KIAA1549L: variants seen among roughly 807,000 people sequenced by gnomAD.
KIAA1549L encodes KIAA1549 like.
KIAA1549L carries 88 observed loss-of-function variants against 160.7 expected under a neutral mutation model. The ratio of observed to expected loss-of-function variants is 0.55; its 90% CI spans 0.46 to 0.65. The LOEUF is 0.65. Among genes scored for constraint, KIAA1549L ranks in the 30% least tolerant of loss-of-function variants. KIAA1549L has a pLI of 0.00. For missense variants in KIAA1549L, 2,258 were observed against 2,437.5 expected (o/e 0.93, Z 1.55); for synonymous variants, 950 against 976.7 (o/e 0.97, Z 0.51).
intron 1 of KIAA1549L, among the ~76,000 whole-genome samples, chr11:33,387,641 C>A (rs1487011314): frequency 6.6e-6 from 1 of 152,128 alleles, no homozygotes; most frequent in Non-Finnish European, 1.5e-5. Context: ...GCAGACACTA[C>A]TTTGGTTTAA....
rs1554976830 is a variant in KIAA1549L at position 33,435,818 on chromosome 11, G to GTGTGTGTGTA, written c.238+58930_238+58931insGTGTGTGTAT. On this transcript the variant is annotated intron_variant, in intron 1 of 20. Transcript: ENST00000658780. ...TATATATATATATATATATGTGTGTGTATATATATATATGTATATGTATAT... is the reference window on the plus strand; with the variant it reads ...TATATATATATATATATATGTGTGTGTGTGTGTGTATATATATATATATGTATATGTATAT... Among the ~76,000 whole-genome samples, 37 of 45,314 alleles carry GTGTGTGTGTA rather than the reference G, an allele frequency of 8.2e-4. 1 individual carries two copies. The highest frequency in any genetic ancestry group is 6.5e-3 in the South Asian group (7 of 1,084). 29.7% of individuals were successfully genotyped at this position (45,314 alleles called of 152,430 possible).
In KIAA1549L at chr11:33,621,536, T is replaced by C. The variant is rs567441987; in HGVS notation, c.5409+2874T>C. On this transcript the variant is annotated intron_variant, in intron 16 of 20. Coordinates refer to ENST00000658780, the MANE Select transcript of KIAA1549L (RefSeq NM_012194.3). The stretch of plus-strand genomic sequence containing the variant: ...ATTGAACTTAATTCATCCCTATGTA[T>C]AAAGCAGGTAGAAAAGAAAATGTCA... 4.6e-5 allele frequency among the ~76,000 whole-genome samples: 7 copies of C among 152,274 alleles called. No homozygotes were observed. The East Asian group carries it at 1.2e-3, about 25-fold the overall frequency.
At chr11:33,377,560 G>A (rs1265649536) in intron 1 of KIAA1549L, among the ~76,000 whole-genome samples, 1 of 152,146 alleles carries the variant, frequency 6.6e-6, no homozygotes, top group South Asian at 2.1e-4. Flanking sequence ...GGTGGGGGTG[G>A]ATTTTTCTGC....
At chr11:33,656,485 G>A (rs1852069183) in intron 18 of KIAA1549L, among the ~76,000 whole-genome samples, 1 of 152,196 alleles carries the variant, frequency 6.6e-6, no homozygotes, top group Non-Finnish European at 1.5e-5. Context: ...CCAGGGAGGG[G>A]CAGGCATGTC....
intron 1 of KIAA1549L, among the ~76,000 whole-genome samples, chr11:33,388,982 G>A (rs975871312): frequency 2.0e-5 from 3 of 152,200 alleles, no homozygotes; most frequent in African/African-American, 7.2e-5. Flanking sequence ...TCACTCAGAC[G>A]TGGCTTTGCC....
intron 1 of KIAA1549L, among the ~76,000 whole-genome samples, chr11:33,537,413 T>C (rs1482241603): frequency 1.3e-5 from 2 of 152,022 alleles, no homozygotes; most frequent in African/African-American, 2.4e-5. Flanking sequence ...GTGTCTGGCA[T>C]ACAACAGGCA....
chr11:33,435,784 A>ATGTGTG (rs1180781136), intron 1 of KIAA1549L, among the ~76,000 whole-genome samples: 1 of 20,654 alleles, frequency 4.8e-5, no homozygotes, highest in Non-Finnish European at 7.7e-5. Context: ...ATATATATAT[A>ATGTGTG]TATATATATA....
At chr11:33,467,897 A>G (rs1233125840) in intron 1 of KIAA1549L, among the ~76,000 whole-genome samples, 3 of 152,222 alleles carry the variant, frequency 2.0e-5, no homozygotes, top group Non-Finnish European at 4.4e-5. Flanking sequence ...AGAGAAAAAG[A>G]ACACCCAAAA....
At chr11:33,388,082 A>G (rs1850207285) in intron 1 of KIAA1549L, among the ~76,000 whole-genome samples, 2 of 152,194 alleles carry the variant, frequency 1.3e-5, no homozygotes, top group African/African-American at 2.4e-5. Context: ...TAAAATGCAA[A>G]AGGCCCTCTT....
intron 20 of KIAA1549L, chr11:33,665,546 C>T (rs1330614213): frequency 6.6e-6 from 1 of 152,244 alleles, no homozygotes; most frequent in East Asian, 1.9e-4. Flanking sequence ...TCTGACTGAG[C>T]CCCAGGGCTT....
chr11:33,505,431 A>G (rs1366603381), intron 1 of KIAA1549L, among the ~76,000 whole-genome samples: 1 of 152,208 alleles, frequency 6.6e-6, no homozygotes, highest in African/African-American at 2.4e-5. Flanking sequence ...TCTGCTGCCA[A>G]GACAACGTTT....
chr11:33,653,731 A>G (rs541155065), intron 17 of KIAA1549L, among the ~76,000 whole-genome samples: 1 of 152,144 alleles, frequency 6.6e-6, no homozygotes, highest in African/African-American at 2.4e-5. Flanking sequence ...AGACCTGCTC[A>G]TTCCATCCTC....
chr11:33,453,375 A>T (rs960081649), intron 1 of KIAA1549L, among the ~76,000 whole-genome samples: 1 of 152,126 alleles, frequency 6.6e-6, no homozygotes, highest in African/African-American at 2.4e-5. Context: ...GGGGTGGGGG[A>T]TGCCTCAAGT....
At chr11:33,593,134 T>C (rs1850105775) in intron 12 of KIAA1549L, among the ~76,000 whole-genome samples, 1 of 152,174 alleles carries the variant, frequency 6.6e-6, no homozygotes, top group Non-Finnish European at 1.5e-5. Context: ...CTTGCAGTTT[T>C]ATAGGCTCAC....
At chr11:33,659,375 AAC>A (rs1364922830) in intron 19 of KIAA1549L, among the ~76,000 whole-genome samples, 1 of 152,188 alleles carries the variant, frequency 6.6e-6, no homozygotes, top group East Asian at 1.9e-4. Context: ...TTCTCTATTT[AAC>A]AGTGTTTTAA....
intron 1 of KIAA1549L, among the ~76,000 whole-genome samples, chr11:33,523,421 A>G (rs1213368266): frequency 1.3e-5 from 2 of 152,122 alleles, no homozygotes; most frequent in Non-Finnish European, 2.9e-5. Context: ...CCTCATATCT[A>G]TTTATTGGAA....
At chr11:33,667,254 G>GATATATATTCCTAAGGTTTTTCAGCAAA (rs1852493202) in intron 20 of KIAA1549L, among the ~76,000 whole-genome samples, 1 of 152,034 alleles carries the variant, frequency 6.6e-6, no homozygotes, top group Admixed American at 6.5e-5. Context: ...TATAGACTCA[G>GATATATATTCCTAAGGTTTTTCAGCAAA]ATATATATTC....
intron 1 of KIAA1549L, among the ~76,000 whole-genome samples, chr11:33,428,243 A>G (rs776199606): frequency 1.2e-4 from 18 of 152,234 alleles, no homozygotes; most frequent in Non-Finnish European, 2.2e-4. Context: ...ACCACCGGTA[A>G]TGTACAAGTG....
rs1408212953 is a variant in KIAA1549L, at chr11:33,598,800, G to T, written c.4752-20G>T. On this transcript the variant is annotated intron_variant, in intron 12 of 20. Coordinates refer to ENST00000658780, the MANE Select transcript of KIAA1549L (RefSeq NM_012194.3). Reference sequence around the variant, plus strand: ...CTAGTTGAAACTTACCGTCTCCCCTGTTGCTATGGTTACCTCCAGCAGGTC... The same window carrying T: ...CTAGTTGAAACTTACCGTCTCCCCTTTTGCTATGGTTACCTCCAGCAGGTC... 36 of 1,613,534 alleles carry T rather than the reference G, an allele frequency of 2.2e-5. No individual in the cohort carries two copies. Among genetic ancestry groups the T allele is most frequent in the Non-Finnish European group, 2.9e-5 (34 of 1,179,700 alleles).
Sources: allele counts gnomAD v4.1 joint callset (sites outside exome capture counted in the v4.1 genomes callset), GRCh38; gene constraint gnomAD v4.1.1; transcripts MANE v1.5; gene names NCBI Gene and HGNC (gene_info 2026-07-23, HGNC 2026-07-21).